KMO: variants seen among roughly 807,000 people sequenced by gnomAD.
KMO encodes kynurenine 3-monooxygenase, also known as kynurenine 3-hydroxylase.
A neutral mutation model predicts 57.8 loss-of-function variants in KMO; 24 were observed. The observed-to-expected ratio is 0.42, with a 90% CI of 0.30 to 0.58. The LOEUF (loss-of-function observed/expected upper bound fraction) is 0.58, where lower values mean the gene tolerates loss of function less well. Among genes scored for constraint, KMO ranks in the 20% least tolerant of loss-of-function variants. The pLI is 0.22. For synonymous variants in KMO, 210 were observed against 193.6 expected (o/e 1.08, Z -0.70); for missense variants, 483 against 588.2 (o/e 0.82, Z 1.85).
At chr1:241,549,207 A>AGAG in intron 2 of KMO, among the ~76,000 whole-genome samples, 1 of 3,258 alleles carries the variant, frequency 3.1e-4, no homozygotes, top group East Asian at 0.01. Context: ...AAAAGGAAGA[A>AGAG]AGAAAGAAAG....
chr1:241,586,191 C>CTTT (rs386370217), intron 10 of KMO, among the ~76,000 whole-genome samples: 1,080 of 80,034 alleles, frequency 0.013, 37 homozygotes, highest in East Asian at 0.026. Context: ...AGTCTATGGT[C>CTTT]TTTTTTTTTT....
intron 2 of KMO, among the ~76,000 whole-genome samples, chr1:241,549,259 A>AAGTC (rs1558414928): frequency 2.0e-5 from 3 of 147,020 alleles, no homozygotes; most frequent in Non-Finnish European, 4.5e-5. Flanking sequence ...GAAAGAAAGA[A>AAGTC]AGAAAGAAAG....
At chr1:241,554,491 C>A (rs1170869018) in intron 4 of KMO, among the ~76,000 whole-genome samples, 1 of 151,622 alleles carries the variant, frequency 6.6e-6, no homozygotes. Flanking sequence ...CCAGGCTGGT[C>A]TTAAACTCCT....
chr1:241,566,425 G>A lies in KMO; in HGVS notation c.688-66G>A, dbSNP rs559970058. 4 of 1,536,380 alleles carry A rather than the reference G, an allele frequency of 2.6e-6. No individual in the cohort carries two copies. In the African/African-American group the frequency reaches 4.2e-5, roughly 16 times the overall value. ...ACAGCAAGAAGTCTTGTGATTTCAG[G>A]AGCCACCTAGTGCCAGCGTCACTTG... On this transcript the variant is annotated intron_variant, in intron 8 of 14. Coordinates refer to ENST00000366559, the MANE Select transcript of KMO (RefSeq NM_003679.5).
chr1:241,595,000 T>C lies in KMO; in HGVS notation c.*2847T>C, dbSNP rs588246. On this transcript the variant is annotated 3_prime_UTR_variant, in exon 15 of 15. Transcript: ENST00000366559. ...TATTAAGAGATTTTGAACATTAAGT[T>C]AGTCCACAAATATTCAGTGGGCATC... 30,085 of 245,916 alleles carry C rather than the reference T, an allele frequency of 0.12. 2,988 individuals are homozygous for C. The highest frequency in any genetic ancestry group is 0.27 in the African/African-American group (12,156 of 44,546). 15.2% of individuals were successfully genotyped at this position (245,916 alleles called of 1,614,324 possible).
In KMO at chr1:241,590,124, G is replaced by T; in HGVS notation, c.1200+11G>T. On this transcript the variant is annotated intron_variant, in intron 13 of 14. Transcript: ENST00000366559. ...CCTCTCTATACAATGGTAAGGTCTGGACTGAAGACTTTTCCTCATTTTGAT... is the reference window on the plus strand; with the variant it reads ...CCTCTCTATACAATGGTAAGGTCTGTACTGAAGACTTTTCCTCATTTTGAT... 6.2e-7 allele frequency: 1 copy of T among 1,608,016 alleles called. No homozygotes were observed. The highest frequency in any genetic ancestry group is 8.5e-7 in the Non-Finnish European group (1 of 1,174,660).
intron 1 of KMO, among the ~76,000 whole-genome samples, chr1:241,545,509 G>A (rs1472437120): frequency 3.9e-5 from 6 of 152,072 alleles, no homozygotes; most frequent in Non-Finnish European, 1.5e-5. Flanking sequence ...TTCTCTCTGT[G>A]TCTCTTCACA....
chr1:241,586,532 A>G (rs750284667), intron 10 of KMO, 147 bp from the exon 11 acceptor site: 6 of 670,644 alleles, frequency 8.9e-6, no homozygotes, highest in Admixed American at 2.2e-5. Flanking sequence ...ATTCAATACC[A>G]TGTGACAACT....
intron 1 of KMO, among the ~76,000 whole-genome samples, chr1:241,534,505 T>C (rs1329187140): frequency 1.3e-5 from 2 of 152,266 alleles, no homozygotes; most frequent in Non-Finnish European, 2.9e-5. Context: ...AAAAGAATTC[T>C]ATCCATCCTA....
chr1:241,548,090 C>CACACAT (rs1051603055), intron 1 of KMO, among the ~76,000 whole-genome samples: 1 of 144,492 alleles, frequency 6.9e-6, no homozygotes, highest in African/African-American at 2.5e-5. Flanking sequence ...ACAAACAAAA[C>CACACAT]ACACACACAC....
chr1:241,542,555 T>G (rs1182618569), intron 1 of KMO, among the ~76,000 whole-genome samples: 1 of 152,266 alleles, frequency 6.6e-6, no homozygotes, highest in Non-Finnish European at 1.5e-5. Context: ...GTTTGGTGCT[T>G]CGAAACAAAT....
intron 11 of KMO, among the ~76,000 whole-genome samples, chr1:241,588,493 G>A (rs1663109148): frequency 6.6e-6 from 1 of 151,950 alleles, no homozygotes; most frequent in African/African-American, 2.4e-5. Flanking sequence ...CACTGTCAAC[G>A]CTGGTTTGGG....
intron 4 of KMO, among the ~76,000 whole-genome samples, chr1:241,553,458 A>G (rs1293834548): frequency 6.6e-6 from 1 of 152,226 alleles, no homozygotes; most frequent in African/African-American, 2.4e-5. Flanking sequence ...AGGCCAAGGT[A>G]GGTGGATTGC....
intron 10 of KMO, 148 bp downstream of exon 10, chr1:241,568,795 G>A (rs1456236866): frequency 1.3e-6 from 1 of 776,212 alleles, no homozygotes; most frequent in Non-Finnish European, 2.0e-6. Flanking sequence ...TGTGTAGCTA[G>A]ATTGATCACT....
rs774729676 is a variant in KMO, at chr1:241,594,515, G to A, written c.*2362G>A. 3.7e-6 allele frequency: 6 copies of A among 1,613,962 alleles called. No homozygotes were observed. The highest frequency in any genetic ancestry group is 5.1e-6 in the Non-Finnish European group (6 of 1,179,988). On this transcript the variant is annotated 3_prime_UTR_variant, in exon 15 of 15. Transcript: ENST00000366559. ...CTGACAGTGATTCATCACTGGTGAT[G>A]ATAAAAATGATGGAAGAAGAGTTGA...
Position 241,594,222 on chromosome 1 carries a change from A to G in KMO, c.*2069A>G, listed in dbSNP as rs1313613085. ...GTGTGCCACAAGTGGTTTTTTCATT[A>G]TGTAAAGCACCCGTTGAATTAAAAG... is the stretch of plus-strand genomic sequence containing the variant. On this transcript the variant is annotated 3_prime_UTR_variant, in exon 15 of 15. Coordinates refer to ENST00000366559, the MANE Select transcript of KMO (RefSeq NM_003679.5). 6.2e-6 allele frequency: 3 copies of G among 485,116 alleles called. No individual in the cohort carries two copies. The highest frequency in any genetic ancestry group is 1.1e-5 in the Non-Finnish European group (3 of 281,158). The allele number at this position is 485,116 out of a possible 1,614,324, so 30.1% of individuals were successfully genotyped here.
chr1:241,559,528 A>G (rs1202850069), intron 5 of KMO, among the ~76,000 whole-genome samples: 1 of 152,204 alleles, frequency 6.6e-6, no homozygotes, highest in Non-Finnish European at 1.5e-5. Context: ...TGATTACTTC[A>G]AAGTTATTTG....
chr1:241,542,646 C>A (rs956926485), intron 1 of KMO, among the ~76,000 whole-genome samples: 4 of 152,184 alleles, frequency 2.6e-5, no homozygotes, highest in South Asian at 2.1e-4. Context: ...GAACCAGAAT[C>A]AAAAAATAGT....
intron 7 of KMO, 65 bp from the exon 8 acceptor site, chr1:241,564,922 C>G: frequency 1.0e-6 from 1 of 976,748 alleles, no homozygotes; most frequent in East Asian, 2.4e-5. Flanking sequence ...TATTATAAAG[C>G]TGAGTCCGTT....
Sources: allele counts gnomAD v4.1 joint callset (sites outside exome capture counted in the v4.1 genomes callset), GRCh38; gene constraint gnomAD v4.1.1; transcripts MANE v1.5; gene names NCBI Gene and HGNC (gene_info 2026-07-23, HGNC 2026-07-21).